The following CNTN4 variants were observed in gnomAD, a reference collection of about 807,000 sequenced individuals.
The protein encoded by CNTN4 is contactin-4.
CNTN4 carries 77 observed loss-of-function variants against 122.5 expected under a neutral mutation model. That is an observed-to-expected ratio of 0.63 (90% CI 0.52 to 0.76). The LOEUF is 0.76. CNTN4 is among the 30% of genes least tolerant of loss of function. CNTN4 has a pLI of 0.00. For missense variants in CNTN4, 1,256 were observed against 1,259.1 expected, an observed-to-expected ratio of 1.00 and a Z score of 0.04; for synonymous variants, 512 against 447.0, an observed-to-expected ratio of 1.15 and a Z score of -1.83.
At chr3:2,807,182 C>T (rs1264781056) in intron 6 of CNTN4, among the ~76,000 whole-genome samples, 2 of 152,162 alleles carry the variant, frequency 1.3e-5, no homozygotes, top group South Asian at 2.1e-4. Context: ...CCACAAAGTG[C>T]ACTTAAGAGC....
At chr3:2,933,951 G>T (rs1008929733) in intron 13 of CNTN4, among the ~76,000 whole-genome samples, 2 of 152,120 alleles carry the variant, frequency 1.3e-5, no homozygotes, top group Admixed American at 6.5e-5. Flanking sequence ...CGGAAGCCAC[G>T]CCTGCTGGGA....
At chr3:2,454,812 T>C (rs1460414105) in intron 3 of CNTN4, among the ~76,000 whole-genome samples, 1 of 152,204 alleles carries the variant, frequency 6.6e-6, no homozygotes, top group Non-Finnish European at 1.5e-5. Context: ...GCTGAATACC[T>C]GAATGTGTGA....
At chr3:2,355,267 C>T (rs1217804726) in intron 3 of CNTN4, among the ~76,000 whole-genome samples, 2 of 152,128 alleles carry the variant, frequency 1.3e-5, no homozygotes, top group Non-Finnish European at 2.9e-5. Context: ...CTCAAGATCA[C>T]CTAGCGAGTC....
At chr3:2,308,918 TAAG>T (rs1221809697) in intron 2 of CNTN4, among the ~76,000 whole-genome samples, 8 of 152,102 alleles carry the variant, frequency 5.3e-5, no homozygotes, top group African/African-American at 1.9e-4. Flanking sequence ...TCAATGCACT[TAAG>T]AAGAATGTGT....
chr3:2,934,089 T>G (rs925857724), intron 13 of CNTN4, among the ~76,000 whole-genome samples: 1 of 152,126 alleles, frequency 6.6e-6, no homozygotes, highest in African/African-American at 2.4e-5. Context: ...AAAATAATGG[T>G]GCAAGCATGA....
chr3:2,579,071 A>G (rs1206334354), intron 4 of CNTN4, among the ~76,000 whole-genome samples: 2 of 152,194 alleles, frequency 1.3e-5, no homozygotes, highest in African/African-American at 4.8e-5. Context: ...CAAGCACACA[A>G]CCCAAAAGTT....
At chr3:2,357,137 G>T (rs1232392129) in intron 3 of CNTN4, among the ~76,000 whole-genome samples, 1 of 152,142 alleles carries the variant, frequency 6.6e-6, no homozygotes, top group Non-Finnish European at 1.5e-5. Flanking sequence ...CTGAGATTTT[G>T]CATTTCTAAC....
intron 6 of CNTN4, among the ~76,000 whole-genome samples, chr3:2,771,130 C>T (rs1363165196): frequency 6.6e-6 from 1 of 152,176 alleles, no homozygotes; most frequent in Non-Finnish European, 1.5e-5. Context: ...AAGTTACCCT[C>T]AGAATTCTCT....
At chr3:2,892,929 C>T (rs1256735959) in intron 10 of CNTN4, among the ~76,000 whole-genome samples, 1 of 152,140 alleles carries the variant, frequency 6.6e-6, no homozygotes, top group Non-Finnish European at 1.5e-5. Flanking sequence ...ACAGCTAGAA[C>T]TGCTTTTTTC....
chr3:2,451,479 G>C (rs2048826970), intron 3 of CNTN4, among the ~76,000 whole-genome samples: 1 of 150,242 alleles, frequency 6.7e-6, no homozygotes, highest in Non-Finnish European at 1.5e-5. Flanking sequence ...CAACCCCAGA[G>C]GGTTGAAATC....
chr3:2,859,750 A>C (rs540193832), intron 7 of CNTN4, among the ~76,000 whole-genome samples: 1 of 152,290 alleles, frequency 6.6e-6, no homozygotes, highest in African/African-American at 2.4e-5. Flanking sequence ...TATAAGTTGT[A>C]TGTCCTATTT....
chr3:2,442,772 G>A (rs2048485520), intron 3 of CNTN4, among the ~76,000 whole-genome samples: 1 of 152,128 alleles, frequency 6.6e-6, no homozygotes, highest in African/African-American at 2.4e-5. Context: ...ATAAGATCCA[G>A]AGGCTTACTT....
In CNTN4 at chr3:2,802,462, G is replaced by A. The variant is rs151305952; in HGVS notation, c.359-17024G>A. Among the ~76,000 whole-genome samples, 69 of 152,252 alleles carry A rather than the reference G, an allele frequency of 4.5e-4. No individual in the cohort carries two copies. In the East Asian group the frequency reaches 0.011, roughly 24 times the overall value. ...TAAAATAGCCCAAGGGAATAGCACC[G>A]AGGTGCTGTCTAGTGTTCATAAGCA... is the stretch of plus-strand genomic sequence containing the variant. On this transcript the variant is annotated intron_variant, in intron 6 of 24. Coordinates refer to ENST00000418658, the MANE Select transcript of CNTN4 (RefSeq NM_175607.3).
intron 4 of CNTN4, among the ~76,000 whole-genome samples, chr3:2,673,264 G>A (rs946942470): frequency 3.9e-5 from 6 of 152,094 alleles, no homozygotes; most frequent in African/African-American, 9.7e-5. Flanking sequence ...GAGTGCTTTT[G>A]GGTGGCTATG....
intron 2 of CNTN4, among the ~76,000 whole-genome samples, chr3:2,250,299 T>G (rs545392931): frequency 6.6e-6 from 1 of 152,084 alleles, no homozygotes; most frequent in South Asian, 2.1e-4. Context: ...GAAATGTGAC[T>G]AGAACCCAGA....
intron 12 of CNTN4, among the ~76,000 whole-genome samples, chr3:2,920,794 A>G (rs1232464262): frequency 8.2e-6 from 1 of 121,416 alleles, no homozygotes; most frequent in Non-Finnish European, 1.8e-5. Flanking sequence ...TCATGATTGT[A>G]AAATTCTTTT....
At chr3:2,577,816 G>C (rs1447505369) in intron 4 of CNTN4, among the ~76,000 whole-genome samples, 1 of 152,140 alleles carries the variant, frequency 6.6e-6, no homozygotes, top group Non-Finnish European at 1.5e-5. Flanking sequence ...CTGTGAATGA[G>C]CGCAGAAATT....
At chr3:2,968,984 T>C (rs1303560383) in intron 13 of CNTN4, among the ~76,000 whole-genome samples, 1 of 152,198 alleles carries the variant, frequency 6.6e-6, no homozygotes. Flanking sequence ...GAAGTATAAT[T>C]TACATTCCAT....
chr3:2,238,073 A>G (rs1232439699), intron 2 of CNTN4, among the ~76,000 whole-genome samples: 1 of 152,178 alleles, frequency 6.6e-6, no homozygotes, highest in Non-Finnish European at 1.5e-5. Context: ...ACTAAAGAAA[A>G]AAAAAAGTCC....
Sources: gnomAD v4.1 joint callset for allele counts (sites outside exome capture counted in the v4.1 genomes callset) on GRCh38, gnomAD v4.1.1 for gene constraint, MANE v1.5 for transcripts, NCBI Gene and HGNC (gene_info 2026-07-23, HGNC 2026-07-21) for gene names.